The following CFAP54 variants were observed in gnomAD, a reference collection of about 807,000 sequenced individuals.
CFAP54 encodes cilia- and flagella-associated protein 54.
In CFAP54, 290 loss-of-function variants were observed where a neutral mutation model predicts 370.4. The ratio of observed to expected loss-of-function variants is 0.78; its 90% CI spans 0.71 to 0.86. The LOEUF (loss-of-function observed/expected upper bound fraction) is 0.86. Among genes scored for constraint, CFAP54 ranks in the 40% least tolerant of loss-of-function variants. The pLI is 0.00. For synonymous variants in CFAP54, 1,206 were observed against 1,236.5 expected (o/e 0.98, Z 0.52); for missense variants, 3,399 against 3,528.7 (o/e 0.96, Z 0.93).
intron 39 of CFAP54, among the ~76,000 whole-genome samples, chr12:96,671,490 T>C (rs1409377492): frequency 6.6e-6 from 1 of 152,250 alleles, no homozygotes; most frequent in African/African-American, 2.4e-5. Context: ...TATAACCCAG[T>C]TGTCTTCATC....
chr12:96,658,207 C>G lies in CFAP54; in HGVS notation c.5325-4C>G. ...TTTTTAATGTATTCTTTACCCCTGT[C>G]TAGTGAGAGGTATACAGAACAAGTG... On this transcript the variant is annotated splice_polypyrimidine_tract_variant and splice_region_variant and intron_variant, in intron 37 of 67. Coordinates refer to ENST00000524981, the MANE Select transcript of CFAP54 (RefSeq NM_001306084.2). 6.2e-7 allele frequency: 1 copy of G among 1,610,854 alleles called. No individual in the cohort carries two copies. Among genetic ancestry groups the G allele is most frequent in the Non-Finnish European group, 8.5e-7 (1 of 1,179,070 alleles).
chr12:96,757,454 T>C (rs1958273987), intron 57 of CFAP54, 41 bp from the exon 58 acceptor site: 1 of 1,150,760 alleles, frequency 8.7e-7, no homozygotes. Context: ...TGATTATGCA[T>C]GGTGAAGCTA....
intron 19 of CFAP54, among the ~76,000 whole-genome samples, chr12:96,575,382 A>G (rs1955964221): frequency 6.6e-6 from 1 of 151,972 alleles, no homozygotes; most frequent in Non-Finnish European, 1.5e-5. Context: ...AATGCTTTTG[A>G]TTTTGATGAA....
chr12:96,630,251 T>C (rs748724666), intron 31 of CFAP54, 47 bp downstream of exon 31: 1 of 980,426 alleles, frequency 1.0e-6, no homozygotes, highest in Non-Finnish European at 1.5e-6. Context: ...AATTAAGAGA[T>C]TCATGTATCT....
chr12:96,589,771 C>T (rs1269905106), intron 23 of CFAP54, among the ~76,000 whole-genome samples: 1 of 151,740 alleles, frequency 6.6e-6, no homozygotes, highest in Non-Finnish European at 1.5e-5. Context: ...TTTTTTAATA[C>T]TCACTCACTC....
intron 67 of CFAP54, among the ~76,000 whole-genome samples, chr12:96,868,193 C>T (rs1028640907): frequency 5.3e-5 from 8 of 152,070 alleles, no homozygotes; most frequent in Admixed American, 3.3e-4. Flanking sequence ...CTATTTTGCA[C>T]GTGCTTGTTT....
Position 96,743,528 on chromosome 12 carries a change from A to G in CFAP54, c.7346A>G (p.His2449Arg), listed in dbSNP as rs1205689585. Residue 2449 changes from histidine (H) to arginine (R), a missense_variant, in exon 53 of 68, where the codon CAT becomes CGT. Transcript: ENST00000524981. ...QAVILGLQEK[H>R]LKADIMTNLQ... is the part of the protein sequence containing the mutation. ...GTAATTCTTGGCCTACAAGAAAAGC[A>G]TTTAAAGGCAGACATCATGACAAAC... 1 of 1,613,960 alleles carries G rather than the reference A, an allele frequency of 6.2e-7. No individual in the cohort carries two copies. The highest frequency in any genetic ancestry group is 8.5e-7 in the Non-Finnish European group (1 of 1,179,986).
chr12:96,619,152 C>T (rs766849417), intron 26 of CFAP54, among the ~76,000 whole-genome samples: 13 of 152,134 alleles, frequency 8.5e-5, no homozygotes, highest in South Asian at 2.1e-4. Flanking sequence ...GCATAAGCCA[C>T]GGCAACCAGC....
At chr12:96,826,277 C>A (rs952134069) in intron 65 of CFAP54, among the ~76,000 whole-genome samples, 1 of 89,326 alleles carries the variant, frequency 1.1e-5, no homozygotes. Flanking sequence ...TTCAATTTAA[C>A]AAATATATTC....
chr12:96,755,520 G>A (rs2887974), intron 56 of CFAP54, among the ~76,000 whole-genome samples: 55,922 of 151,864 alleles, frequency 0.37, 11,287 homozygotes, highest in East Asian at 0.58. Context: ...GTGAGATCAC[G>A]CAATATTTGT....
At chr12:96,520,170 C>T (rs1955288471) in intron 6 of CFAP54, among the ~76,000 whole-genome samples, 1 of 152,252 alleles carries the variant, frequency 6.6e-6, no homozygotes, top group East Asian at 1.9e-4. Flanking sequence ...TAATTGAATA[C>T]ACTTTCTAAT....
In CFAP54 at chr12:96,845,216, T is replaced by C. The variant is rs375012634; in HGVS notation, c.9172-15603T>C. On this transcript the variant is annotated intron_variant, in intron 66 of 67. Transcript: ENST00000524981. ...ACCCAGAAAAGAAACATCTGGAAAT[T>C]TGGTATGAGTTCTTAGTTATTACTT... Among the ~76,000 whole-genome samples the C allele has an allele frequency of 5.9e-5, 9 of 152,320 alleles. No individual in the cohort carries two copies. In the South Asian group the frequency reaches 8.3e-4, roughly 14 times the overall value.
chr12:96,510,824 G>A (rs1215023432), intron 4 of CFAP54, among the ~76,000 whole-genome samples: 3 of 152,008 alleles, frequency 2.0e-5, no homozygotes, highest in Admixed American at 6.6e-5. Context: ...TTAGCTGAGC[G>A]TGGTGGCGAG....
chr12:96,598,867 A>G (rs1168441508), intron 26 of CFAP54, 100 bp downstream of exon 26: 2 of 401,318 alleles, frequency 5.0e-6, no homozygotes, highest in Non-Finnish European at 8.8e-6. Context: ...TAAAAATGGC[A>G]CCCTAAAAGC....
At chr12:96,560,273 C>G (rs1172359649) in intron 17 of CFAP54, among the ~76,000 whole-genome samples, 1 of 152,138 alleles carries the variant, frequency 6.6e-6, no homozygotes, top group African/African-American at 2.4e-5. Context: ...GGTTATCCCC[C>G]TACCCCCAAT....
chr12:96,863,437 A>G (rs1160044871), intron 67 of CFAP54, among the ~76,000 whole-genome samples: 4 of 152,208 alleles, frequency 2.6e-5, no homozygotes, highest in Non-Finnish European at 4.4e-5. Context: ...ACAAAAACAT[A>G]AGGCAGTTAA....
At chr12:96,628,878 A>G (rs1227068970) in intron 30 of CFAP54, among the ~76,000 whole-genome samples, 1 of 152,114 alleles carries the variant, frequency 6.6e-6, no homozygotes, top group Non-Finnish European at 1.5e-5. Context: ...CATTTATCAT[A>G]TTAAGCAGTT....
chr12:96,645,719 C>T (rs1482870237), intron 33 of CFAP54: 1 of 152,402 alleles, frequency 6.6e-6, no homozygotes, highest in African/African-American at 2.4e-5. Context: ...GCTACAGTAA[C>T]CGAAACAGCA....
intron 36 of CFAP54, among the ~76,000 whole-genome samples, chr12:96,653,651 A>G (rs1956886090): frequency 6.6e-6 from 1 of 152,096 alleles, no homozygotes; most frequent in South Asian, 2.1e-4. Context: ...AATGCTTAAT[A>G]GGAAAGAAAA....
Sources: allele counts gnomAD v4.1 joint callset (sites outside exome capture counted in the v4.1 genomes callset), GRCh38; gene constraint gnomAD v4.1.1; transcripts MANE v1.5; gene names NCBI Gene and HGNC (gene_info 2026-07-23, HGNC 2026-07-21).